NPAT: variants seen among roughly 807,000 people sequenced by gnomAD.
The protein encoded by NPAT is nuclear protein, coactivator of histone transcription.
Under a neutral mutation model 130.7 loss-of-function variants are expected in NPAT, and 52 were observed. The observed-to-expected ratio is 0.40, with a 90% CI of 0.32 to 0.50. The LOEUF is 0.50. Ranked by LOEUF, NPAT falls within the 20% of genes least tolerant of loss-of-function variation. NPAT has a pLI of 0.68. For missense variants in NPAT, 1,687 were observed against 1,662.6 expected, an observed-to-expected ratio of 1.01 and a Z score of -0.26; for synonymous variants, 580 against 584.8, an observed-to-expected ratio of 0.99 and a Z score of 0.12.
rs2078443133 is a variant in NPAT at position 108,217,216 on chromosome 11, T to C, written c.37+5284A>G. Among the ~76,000 whole-genome samples the C allele has an allele frequency of 2.0e-5, 3 of 152,202 alleles. No individual in the cohort carries two copies. In the South Asian group the frequency reaches 6.2e-4, roughly 32 times the overall value. On this transcript the variant is annotated intron_variant, in intron 1 of 17. Coordinates refer to ENST00000278612, the MANE Select transcript of NPAT (RefSeq NM_002519.3). ...GAGTGCTCCCTTCAACAGAATGACATCCTGCCCAGGGTTAGTTCCTGCCTT... is the reference window on the plus strand; with the variant it reads ...GAGTGCTCCCTTCAACAGAATGACACCCTGCCCAGGGTTAGTTCCTGCCTT...
intron 10 of NPAT, 82 bp from the exon 11 acceptor site, chr11:108,177,172 C>CT: frequency 1.6e-6 from 1 of 625,052 alleles, no homozygotes; most frequent in African/African-American, 1.9e-5. Context: ...AAGACAGGGT[C>CT]TCACTCTTTT....
At chr11:108,218,270 G>T (rs2078452289) in intron 1 of NPAT, among the ~76,000 whole-genome samples, 1 of 152,100 alleles carries the variant, frequency 6.6e-6, no homozygotes, top group Non-Finnish European at 1.5e-5. Flanking sequence ...GTAACTAAAT[G>T]AATTGAAGGG....
chr11:108,204,246 C>T (rs752880134), intron 1 of NPAT, among the ~76,000 whole-genome samples: 1 of 152,144 alleles, frequency 6.6e-6, no homozygotes, highest in Non-Finnish European at 1.5e-5. Context: ...AAACTGCATG[C>T]CAGTTCCGGA....
intron 13 of NPAT, 99 bp from the exon 14 acceptor site, chr11:108,170,142 A>G (rs1386767283): frequency 4.2e-6 from 3 of 715,652 alleles, no homozygotes; most frequent in Non-Finnish European, 7.3e-6. Context: ...TTTGAAATAA[A>G]TTCTATGAAC....
chr11:108,189,462 A>G, intron 5 of NPAT, 132 bp from the exon 6 acceptor site: 1 of 752,850 alleles, frequency 1.3e-6, no homozygotes, highest in Admixed American at 2.1e-5. Flanking sequence ...TCCTAAATAT[A>G]TCAACTAAAT....
intron 1 of NPAT, among the ~76,000 whole-genome samples, chr11:108,212,613 C>T (rs2078394777): frequency 1.3e-5 from 2 of 150,984 alleles, no homozygotes; most frequent in South Asian, 2.1e-4. Flanking sequence ...ATAGAAAATC[C>T]TAAGGAAGCC....
chr11:108,186,471 G>C lies in NPAT; in HGVS notation c.726+11C>G, dbSNP rs773048381. The C allele has an allele frequency of 8.7e-6, 14 of 1,609,212 alleles. No homozygotes were observed. Among genetic ancestry groups the C allele is most frequent in the African/African-American group, 1.3e-5 (1 of 74,814 alleles). On this transcript the variant is annotated intron_variant, in intron 8 of 17. Transcript: ENST00000278612. ...ATATTTTAAGTTGCAAAGTTTGGCA[G>C]AGTCACTTACTTTTTCTACTGCAAA... is the stretch of plus-strand genomic sequence containing the variant.
Position 108,173,341 on chromosome 11 carries a change from CTTT to C in NPAT, c.1640_1642del (p.Lys547del). 6.2e-7 allele frequency: 1 copy of C among 1,613,164 alleles called. No individual in the cohort carries two copies. The highest frequency in any genetic ancestry group is 8.5e-7 in the Non-Finnish European group (1 of 1,179,452). ...ATCATTAGAATTTTCACAAAATTGA[CTTT>C]TTTTAGATGGCTTTCCAGTTAATGA... On this transcript the variant is annotated inframe_deletion, in exon 13 of 18. Transcript: ENST00000278612.
At position 108,173,677 on chromosome 11, in the gene NPAT, T is replaced by C. The variant is rs769236809; in HGVS notation, c.1307A>G (p.Gln436Arg). ...AAAGGTAATGTCAATGTCACACTTC[T>C]GTTCAGTGGGTACAGCTGTTTTAAA... ...KAFKTAVPTE[Q>R]KCDIDITFES... Residue 436 changes from glutamine to arginine, a missense_variant, in exon 13 of 18, where the codon CAG becomes CGG. Physicochemically the swap from Gln to Arg is conservative, Grantham distance 43 (BLOSUM62 1). Around this residue, in one of 3 missense-constraint regions of NPAT, gnomAD observed 1,379 missense variants for 1,346.6 expected, o/e 1.02. Transcript: ENST00000278612. 1 of 1,614,218 alleles carries C rather than the reference T, an allele frequency of 6.2e-7. No individual in the cohort carries two copies. The highest frequency in any genetic ancestry group is 2.2e-5 in the East Asian group (1 of 44,880).
At chr11:108,214,727 G>A (rs922668199) in intron 1 of NPAT, among the ~76,000 whole-genome samples, 1 of 151,072 alleles carries the variant, frequency 6.6e-6, no homozygotes, top group Non-Finnish European at 1.5e-5. Context: ...CTGCCTCCCA[G>A]GTTCAAGCGA....
intron 1 of NPAT, among the ~76,000 whole-genome samples, chr11:108,199,423 G>A (rs1318375323): frequency 2.6e-5 from 4 of 152,212 alleles, no homozygotes; most frequent in African/African-American, 4.8e-5. Flanking sequence ...CCAGGCAGGC[G>A]CGCCACAGGC....
rs2134838233 is a variant in NPAT at position 108,173,673 on chromosome 11, C to T, written c.1311G>A (p.Lys437=). The change falls in exon 13 of 18, where the codon AAG becomes AAA. Residue 437 remains lysine (K), a synonymous_variant. Coordinates refer to ENST00000278612, the MANE Select transcript of NPAT (RefSeq NM_002519.3). ...AFKTAVPTEQ[K]CDIDITFESV... is the part of the protein sequence containing the mutation. ...ACTCAAAGGTAATGTCAATGTCACACTTCTGTTCAGTGGGTACAGCTGTTT... is the reference window on the plus strand; with the variant it reads ...ACTCAAAGGTAATGTCAATGTCACATTTCTGTTCAGTGGGTACAGCTGTTT... 6.2e-7 allele frequency: 1 copy of T among 1,614,156 alleles called. No homozygotes were observed. Among genetic ancestry groups the T allele is most frequent in the Non-Finnish European group, 8.5e-7 (1 of 1,180,036 alleles).
intron 7 of NPAT, 88 bp from the exon 8 acceptor site, chr11:108,186,657 C>A: frequency 9.2e-7 from 1 of 1,081,864 alleles, no homozygotes; most frequent in South Asian, 1.3e-5. Flanking sequence ...ATTTTAAGAT[C>A]ACCATAACAG....
chr11:108,173,471 G>T lies in NPAT; in HGVS notation c.1513C>A (p.Pro505Thr), dbSNP rs973953090. 1 of 1,613,980 alleles carries T rather than the reference G, an allele frequency of 6.2e-7. No homozygotes were observed. The highest frequency in any genetic ancestry group is 8.5e-7 in the Non-Finnish European group (1 of 1,180,000). ...ACAAATGAAGTTATTGGTATATCAG[G>T]CTGATCAGGCTGTAACTGAGATTCA... The part of the protein sequence containing the change: ...PSESQLQPDQ[P>T]DIPITSFVSL... Residue 505 changes from proline (P) to threonine (T), a missense_variant, in exon 13 of 18, where the codon CCT (proline) becomes ACT (threonine). Coordinates refer to ENST00000278612, the MANE Select transcript of NPAT (RefSeq NM_002519.3).
At chr11:108,190,652 C>T (rs659584) in intron 4 of NPAT, 152 bp from the exon 5 acceptor site, 675,803 of 687,904 alleles carry the variant, frequency 0.98, 332,006 homozygotes, top group East Asian at 1. Context: ...ATTTTTTGGG[C>T]AAGCAACTGT....
intron 1 of NPAT, among the ~76,000 whole-genome samples, chr11:108,204,291 G>A (rs1165714762): frequency 6.6e-6 from 1 of 152,098 alleles, no homozygotes; most frequent in East Asian, 1.9e-4. Flanking sequence ...CTTCCTCGAT[G>A]CCTAAGGCCA....
At chr11:108,176,415 CA>C in intron 11 of NPAT, 41 bp from the exon 12 acceptor site, 1 of 1,400,932 alleles carries the variant, frequency 7.1e-7, no homozygotes, top group Non-Finnish European at 1.0e-6. Context: ...ATGACCAAAA[CA>C]AAAAATAAAC....
At position 108,173,746 on chromosome 11, in the gene NPAT, T is replaced by A. The variant is rs1270813008; in HGVS notation, c.1238A>T (p.Gln413Leu). 1.9e-6 allele frequency: 3 copies of A among 1,614,202 alleles called. No homozygotes were observed. The South Asian group carries it at 3.3e-5, about 18-fold the overall frequency. ...NNHDVLRQED[Q>L]ENFSQISTSI... ...GGTACTTATTTGGGAAAAATTTTCCTGGTCTTCTTGTCTAAGCACATCATG... is the reference window on the plus strand; with the variant it reads ...GGTACTTATTTGGGAAAAATTTTCCAGGTCTTCTTGTCTAAGCACATCATG... Residue 413 changes from glutamine to leucine, a missense_variant, in exon 13 of 18, where the codon CAG becomes CTG. Physicochemically the swap from Gln to Leu is moderately radical, Grantham distance 113. Coordinates refer to ENST00000278612, the MANE Select transcript of NPAT (RefSeq NM_002519.3).
At chr11:108,219,643 G>C (rs893088614) in intron 1 of NPAT, among the ~76,000 whole-genome samples, 6 of 152,078 alleles carry the variant, frequency 3.9e-5, no homozygotes, top group Non-Finnish European at 7.4e-5. Flanking sequence ...TTCAAATTGG[G>C]AAGATGAAAA....
Sources: allele counts gnomAD v4.1 joint callset (sites outside exome capture counted in the v4.1 genomes callset), GRCh38; gene constraint gnomAD v4.1.1; regional missense constraint gnomAD v4.1.1; transcripts MANE v1.5; gene names NCBI Gene and HGNC (gene_info 2026-07-23, HGNC 2026-07-21).